Variants in SOCS5 observed in about 807,000 individuals in gnomAD.
The protein encoded by SOCS5 is CIS-6.
Under a neutral mutation model 42.8 loss-of-function variants are expected in SOCS5, and 32 were observed. That is an observed-to-expected ratio of 0.75 (90% CI 0.56 to 1.01). SOCS5 has a LOEUF of 1.01. Among genes scored for constraint, SOCS5 ranks in the 50% least tolerant of loss-of-function variants. The pLI is 0.00. For missense variants in SOCS5, 627 were observed against 653.0 expected (o/e 0.96, Z 0.43); for synonymous variants, 283 against 229.6 (o/e 1.23, Z -2.10).
At chr2:46,701,389 G>C (rs1027703329) in intron 1 of SOCS5, among the ~76,000 whole-genome samples, 8 of 152,192 alleles carry the variant, frequency 5.3e-5, no homozygotes, top group African/African-American at 1.9e-4. Context: ...TTCTTCTAGA[G>C]CTGGAAGGGT....
rs1216288930 is a variant in SOCS5, at chr2:46,760,023, A to G, written c.1493A>G (p.Tyr498Cys). The G allele has an allele frequency of 1.9e-6, 3 of 1,614,038 alleles. No individual in the cohort carries two copies. Among genetic ancestry groups the G allele is most frequent in the East Asian group, 2.2e-5 (1 of 44,900 alleles). Residue 498 changes from tyrosine (Y) to cysteine (C), a missense_variant, in exon 2 of 2, where the codon TAT becomes TGT. Tyr to Cys is a radical substitution (Grantham distance 194). This residue lies in a region of SOCS5 where 340 missense variants were observed against 367.6 expected (regional missense o/e 0.92). Coordinates refer to ENST00000394861, the MANE Select transcript of SOCS5 (RefSeq NM_144949.3). ...GCGGTAATCTGCAGGTGCACTACGT[A>G]TGATGGAATTGATGGGCTCCCTCTA... ...CRAVICRCTTYDGIDGLPLPS... is the reference protein window; with the variant it reads ...CRAVICRCTTCDGIDGLPLPS...
At position 46,699,616 on chromosome 2, in the gene SOCS5, C is replaced by T. The variant is rs2103680721; in HGVS notation, c.-13+167C>T. 6.6e-6 allele frequency among the ~76,000 whole-genome samples: 1 copy of T among 152,248 alleles called. No homozygotes were observed. Among genetic ancestry groups the T allele is most frequent in the African/African-American group, 2.4e-5 (1 of 41,568 alleles). On this transcript the variant is annotated intron_variant, in intron 1 of 1. Coordinates refer to ENST00000394861, the MANE Select transcript of SOCS5 (RefSeq NM_144949.3). The surrounding 1 kb of genome is among the most constrained non-coding windows in gnomAD (Gnocchi z 4.8). Reference sequence around the variant, plus strand: ...AGCGCCGGCCTCTGGCTGGGATGGGCTGGCCGGGAAAAGGACTGCTAGCCC... The same window carrying T: ...AGCGCCGGCCTCTGGCTGGGATGGGTTGGCCGGGAAAAGGACTGCTAGCCC...
intron 1 of SOCS5, among the ~76,000 whole-genome samples, chr2:46,727,804 C>G (rs1475552163): frequency 6.6e-6 from 1 of 152,212 alleles, no homozygotes; most frequent in Non-Finnish European, 1.5e-5. Context: ...GTTCCTCCCT[C>G]TCAGCAATTT....
At position 46,759,593 on chromosome 2, in the gene SOCS5, G is replaced by C; in HGVS notation, c.1063G>C (p.Gly355Arg). The C allele has an allele frequency of 1.2e-6, 2 of 1,613,944 alleles. No individual in the cohort carries two copies. Among genetic ancestry groups the C allele is most frequent in the Non-Finnish European group, 1.7e-6 (2 of 1,179,864 alleles). ...GDSHTHVSRQ[G>R]AWKVHTQIDY... Reference sequence around the variant, plus strand: ...CAGCCATACCCATGTTAGCAGACAGGGAGCTTGGAAAGTCCACACACAGAT... The same window carrying C: ...CAGCCATACCCATGTTAGCAGACAGCGAGCTTGGAAAGTCCACACACAGAT... The change falls in exon 2 of 2, where the codon GGA becomes CGA. Residue 355 changes from glycine (G) to arginine (R), a missense_variant. Around this residue, in one of 3 missense-constraint regions of SOCS5, gnomAD observed 340 missense variants for 367.6 expected, o/e 0.92. Coordinates refer to ENST00000394861, the MANE Select transcript of SOCS5 (RefSeq NM_144949.3).
Position 46,760,879 on chromosome 2 carries a change from T to C in SOCS5, c.*738T>C, listed in dbSNP as rs1673852728. 1 of 167,074 alleles carries C rather than the reference T, an allele frequency of 6.0e-6. No individual in the cohort carries two copies. Among genetic ancestry groups the C allele is most frequent in the African/African-American group, 2.4e-5 (1 of 41,430 alleles). 10.3% of individuals were successfully genotyped at this position (167,074 alleles called of 1,614,324 possible). The stretch of plus-strand genomic sequence containing the variant: ...TTGGAATAGCTGCTGCAATGTAGTC[T>C]TGTGTGTGATTTTTTTTTAAGTTGA... On this transcript the variant is annotated 3_prime_UTR_variant, in exon 2 of 2. Coordinates refer to ENST00000394861, the MANE Select transcript of SOCS5 (RefSeq NM_144949.3).
intron 1 of SOCS5, among the ~76,000 whole-genome samples, chr2:46,754,960 C>G (rs1057342140): frequency 6.6e-6 from 1 of 152,098 alleles, no homozygotes; most frequent in Non-Finnish European, 1.5e-5. Context: ...AAATATCAAT[C>G]AAAACTTGTC....
chr2:46,746,002 C>T (rs1218514533), intron 1 of SOCS5, among the ~76,000 whole-genome samples: 1 of 151,848 alleles, frequency 6.6e-6, no homozygotes, highest in African/African-American at 2.4e-5. Flanking sequence ...ACTTTTTCTT[C>T]CCAGTTTTTA....
At position 46,759,480 on chromosome 2, in the gene SOCS5, T is replaced by C. The variant is rs1340338275; in HGVS notation, c.950T>C (p.Ile317Thr). The C allele has an allele frequency of 6.2e-7, 1 of 1,613,994 alleles. No homozygotes were observed. Among genetic ancestry groups the C allele is most frequent in the Non-Finnish European group, 8.5e-7 (1 of 1,179,858 alleles). ...GAAATAAGTGGGGACAGTTCTGCAA[T>C]TCCACAAGCTAATTGTGACTCGGAA... is the stretch of plus-strand genomic sequence containing the variant. The part of the protein sequence containing the change: ...MTEISGDSSA[I>T]PQANCDSEED... Residue 317 changes from isoleucine (I) to threonine (T), a missense_variant, in exon 2 of 2, where the codon ATT becomes ACT. Ile to Thr is a moderately conservative substitution (Grantham distance 89, BLOSUM62 -1). Transcript: ENST00000394861.
chr2:46,717,003 G>A (rs1373959973), intron 1 of SOCS5, among the ~76,000 whole-genome samples: 4 of 152,200 alleles, frequency 2.6e-5, no homozygotes, highest in Non-Finnish European at 2.9e-5. Flanking sequence ...ACTCTAAATC[G>A]TTGGAGAGTG....
intron 1 of SOCS5, among the ~76,000 whole-genome samples, chr2:46,752,986 G>A (rs981358773): frequency 6.6e-6 from 1 of 152,048 alleles, no homozygotes; most frequent in African/African-American, 2.4e-5. Context: ...TCCTAGTCAG[G>A]TGCTTGCTTG....
intron 1 of SOCS5, among the ~76,000 whole-genome samples, chr2:46,749,508 T>G (rs1282571122): frequency 6.6e-6 from 1 of 152,194 alleles, no homozygotes; most frequent in Non-Finnish European, 1.5e-5. Flanking sequence ...AGAAACATTT[T>G]GATGAATCGT....
intron 1 of SOCS5, among the ~76,000 whole-genome samples, chr2:46,713,203 A>C (rs1043669257): frequency 2.6e-5 from 4 of 152,128 alleles, no homozygotes; most frequent in African/African-American, 9.7e-5. Context: ...CAAAAATTTA[A>C]AAACTAGCCA....
At chr2:46,717,509 A>G (rs544727425) in intron 1 of SOCS5, among the ~76,000 whole-genome samples, 1 of 152,158 alleles carries the variant, frequency 6.6e-6, no homozygotes, top group African/African-American at 2.4e-5. Flanking sequence ...TGCCAGATAA[A>G]CAATTTCGGG....
chr2:46,728,422 G>T (rs548375872), intron 1 of SOCS5, among the ~76,000 whole-genome samples: 1 of 152,128 alleles, frequency 6.6e-6, no homozygotes, highest in African/African-American at 2.4e-5. Flanking sequence ...TCATTTGAGT[G>T]CTTACTATGT....
chr2:46,737,899 A>G (rs114060876), intron 1 of SOCS5, among the ~76,000 whole-genome samples: 130 of 152,002 alleles, frequency 8.6e-4, no homozygotes, highest in Non-Finnish European at 1.4e-3. Context: ...TCCCTCTCCT[A>G]TGTGCTTTGG....
intron 1 of SOCS5, among the ~76,000 whole-genome samples, chr2:46,715,019 G>A (rs1672707473): frequency 1.3e-5 from 2 of 151,666 alleles, no homozygotes; most frequent in African/African-American, 2.4e-5. Context: ...TCCATATTTC[G>A]TGCTTTTGTT....
rs1307356159 is a variant in SOCS5, at chr2:46,760,149, G to A, written c.*8G>A. 10 of 1,602,280 alleles carry A rather than the reference G, an allele frequency of 6.2e-6. No individual in the cohort carries two copies. The highest frequency in any genetic ancestry group is 1.7e-5 in the Admixed American group (1 of 59,074). Reference sequence around the variant, plus strand: ...CCAGTCAAGGCAAAGTAAACTCTCCGGTCCCCAAAGGTTGTTAACTAGGTC... The same window carrying A: ...CCAGTCAAGGCAAAGTAAACTCTCCAGTCCCCAAAGGTTGTTAACTAGGTC... On this transcript the variant is annotated 3_prime_UTR_variant, in exon 2 of 2. Coordinates refer to ENST00000394861, the MANE Select transcript of SOCS5 (RefSeq NM_144949.3).
At position 46,716,194 on chromosome 2, in the gene SOCS5, T is replaced by C. The variant is rs377114776; in HGVS notation, c.-13+16745T>C. Among the ~76,000 whole-genome samples, 72 of 151,468 alleles carry C rather than the reference T, an allele frequency of 4.8e-4. No homozygotes were observed. The South Asian group carries it at 0.014, about 30-fold the overall frequency. On this transcript the variant is annotated intron_variant, in intron 1 of 1. Coordinates refer to ENST00000394861, the MANE Select transcript of SOCS5 (RefSeq NM_144949.3). ...ATGAGGTATTTCCTTTTTTCTTCAT[T>C]GTGTTGATGTTTTTCTTTAGGTCTT...
At chr2:46,718,047 C>G (rs1263038737) in intron 1 of SOCS5, among the ~76,000 whole-genome samples, 1 of 152,082 alleles carries the variant, frequency 6.6e-6, no homozygotes, top group Non-Finnish European at 1.5e-5. Flanking sequence ...ACCTTAGTAG[C>G]CTCAAACTTC....
Sources: allele counts gnomAD v4.1 joint callset (sites outside exome capture counted in the v4.1 genomes callset), GRCh38; gene constraint gnomAD v4.1.1; regional missense constraint gnomAD v4.1.1; non-coding constraint Gnocchi (gnomAD v3.1); transcripts MANE v1.5; gene names NCBI Gene and HGNC (gene_info 2026-07-23, HGNC 2026-07-21).